GRM7: variants seen among roughly 807,000 people sequenced by gnomAD.
The protein encoded by GRM7 is glutamate metabotropic receptor 7.
In GRM7, 35 loss-of-function variants were observed where a neutral mutation model predicts 84.5. That is an observed-to-expected ratio of 0.41 (90% CI 0.32 to 0.55). The LOEUF (loss-of-function observed/expected upper bound fraction) is 0.55. Ranked by LOEUF, GRM7 falls within the 20% of genes least tolerant of loss-of-function variation. The probability of loss-of-function intolerance (pLI) is 0.19; values close to 1 mark genes in which losing one functional copy is unlikely to be tolerated. For synonymous variants in GRM7, 487 were observed against 455.1 expected, an observed-to-expected ratio of 1.07 and a Z score of -0.89; for missense variants, 1,003 against 1,194.6, an observed-to-expected ratio of 0.84 and a Z score of 2.36.
intron 8 of GRM7, among the ~76,000 whole-genome samples, chr3:7,599,707 G>T (rs1364561738): frequency 6.6e-6 from 1 of 152,126 alleles, no homozygotes; most frequent in African/African-American, 2.4e-5. Context: ...AGACAGATAA[G>T]ATTAACTGAC....
chr3:7,111,825 C>CTCATTTCTTTTTCTCCAAAGTGAACA (rs1692862191), intron 1 of GRM7, among the ~76,000 whole-genome samples: 1 of 152,100 alleles, frequency 6.6e-6, no homozygotes, highest in Non-Finnish European at 1.5e-5. Flanking sequence ...TGTACATAGC[C>CTCATTTCTTTTTCTCCAAAGTGAACA]TCATTTCTTT....
At chr3:7,525,594 G>A (rs952378228) in intron 7 of GRM7, among the ~76,000 whole-genome samples, 1 of 152,060 alleles carries the variant, frequency 6.6e-6, no homozygotes, top group African/African-American at 2.4e-5. Flanking sequence ...ACATGTGAAG[G>A]TTTGTTGCAA....
intron 1 of GRM7, among the ~76,000 whole-genome samples, chr3:7,005,080 G>C (rs527577774): frequency 1.3e-5 from 2 of 152,332 alleles, no homozygotes; most frequent in East Asian, 3.9e-4. Context: ...TCTGTATGTG[G>C]CTGCTGGCTC....
Position 7,647,576 on chromosome 3 carries a change from A to G in GRM7, c.2452-32473A>G, listed in dbSNP as rs1244015357. ...AAGCCAATGGGGAGTTGGAAGTATG[A>G]GGGCTACATAATTTTATTTAAAGAA... is the stretch of plus-strand genomic sequence containing the variant. On this transcript the variant is annotated intron_variant, in intron 8 of 9. Coordinates refer to ENST00000357716, the MANE Select transcript of GRM7 (RefSeq NM_000844.4). Among the ~76,000 whole-genome samples the G allele has an allele frequency of 2.0e-5, 3 of 152,212 alleles. No individual in the cohort carries two copies. The East Asian group carries it at 5.8e-4, about 29-fold the overall frequency.
chr3:7,697,020 T>C (rs1174491398), intron 9 of GRM7, among the ~76,000 whole-genome samples: 1 of 152,074 alleles, frequency 6.6e-6, no homozygotes, highest in African/African-American at 2.4e-5. Flanking sequence ...GCATCTCAGG[T>C]GCTCATTCCA....
chr3:7,370,909 A>G (rs1168002806), intron 4 of GRM7, among the ~76,000 whole-genome samples: 1 of 152,168 alleles, frequency 6.6e-6, no homozygotes, highest in Non-Finnish European at 1.5e-5. Flanking sequence ...AGTTTCTGAA[A>G]TTCAGGATTC....
At chr3:7,293,568 A>G (rs962663104) in intron 2 of GRM7, among the ~76,000 whole-genome samples, 1 of 152,200 alleles carries the variant, frequency 6.6e-6, no homozygotes, top group Non-Finnish European at 1.5e-5. Flanking sequence ...CGCTCCCCAC[A>G]GAAGTGTGAA....
At chr3:7,226,274 C>T (rs1696978625) in intron 2 of GRM7, among the ~76,000 whole-genome samples, 1 of 152,114 alleles carries the variant, frequency 6.6e-6, no homozygotes, top group South Asian at 2.1e-4. Context: ...ATGGTGTCAG[C>T]CTGGCTGGGA....
At chr3:7,552,901 A>T (rs1156469227) in intron 7 of GRM7, among the ~76,000 whole-genome samples, 3 of 152,182 alleles carry the variant, frequency 2.0e-5, no homozygotes, top group African/African-American at 4.8e-5. Flanking sequence ...ACTTATGCAA[A>T]TTTCTGCAGC....
At chr3:7,224,702 A>T (rs968624508) in intron 2 of GRM7, among the ~76,000 whole-genome samples, 3 of 152,184 alleles carry the variant, frequency 2.0e-5, no homozygotes, top group East Asian at 3.9e-4. Flanking sequence ...TAATCATGGC[A>T]TGTGCTTTCA....
At chr3:7,310,397 AT>A (rs1340990725) in intron 4 of GRM7, among the ~76,000 whole-genome samples, 4 of 152,204 alleles carry the variant, frequency 2.6e-5, no homozygotes, top group Admixed American at 6.6e-5. Context: ...TATGATTTGA[AT>A]GAATTCTTTA....
chr3:7,218,608 T>C (rs1359696599), intron 2 of GRM7, among the ~76,000 whole-genome samples: 2 of 152,028 alleles, frequency 1.3e-5, no homozygotes, highest in African/African-American at 4.8e-5. Context: ...CTACCCATTC[T>C]TTAGTGTAAA....
intron 1 of GRM7, among the ~76,000 whole-genome samples, chr3:7,011,085 T>C (rs1036316927): frequency 2.6e-5 from 4 of 152,136 alleles, no homozygotes; most frequent in Non-Finnish European, 5.9e-5. Flanking sequence ...CTACAACATA[T>C]GAAGGTTTTG....
chr3:7,291,663 G>A (rs762589916), intron 2 of GRM7, among the ~76,000 whole-genome samples: 2 of 152,152 alleles, frequency 1.3e-5, no homozygotes, highest in Non-Finnish European at 2.9e-5. Context: ...TACTTGAAAA[G>A]AGGCTGGGAG....
intron 1 of GRM7, among the ~76,000 whole-genome samples, chr3:6,991,234 A>C (rs1694623198): frequency 6.6e-6 from 1 of 152,128 alleles, no homozygotes; most frequent in Admixed American, 6.5e-5. Context: ...GCTGATAAAG[A>C]ATGAATGAAC....
At chr3:7,115,566 A>G (rs1425757475) in intron 1 of GRM7, among the ~76,000 whole-genome samples, 1 of 152,088 alleles carries the variant, frequency 6.6e-6, no homozygotes, top group Non-Finnish European at 1.5e-5. Flanking sequence ...GTGGATGATA[A>G]CTCCATCTCT....
chr3:7,581,433 T>C (rs1278133536), intron 8 of GRM7, among the ~76,000 whole-genome samples: 6 of 152,150 alleles, frequency 3.9e-5, no homozygotes, highest in East Asian at 1.9e-4. Flanking sequence ...AGGCACAAAA[T>C]TGCCAAATGG....
intron 1 of GRM7, among the ~76,000 whole-genome samples, chr3:7,078,946 AG>A: frequency 6.6e-6 from 1 of 152,144 alleles, no homozygotes; most frequent in Middle Eastern, 3.4e-3. Context: ...GAAAGGTATA[AG>A]AAATACAATA....
intron 1 of GRM7, among the ~76,000 whole-genome samples, chr3:7,096,634 G>C (rs142863978): frequency 1.3e-5 from 2 of 152,052 alleles, no homozygotes; most frequent in Non-Finnish European, 2.9e-5. Flanking sequence ...GAAATCATTG[G>C]CCACATGAGT....
Sources: allele counts gnomAD v4.1 joint callset (sites outside exome capture counted in the v4.1 genomes callset), GRCh38; gene constraint gnomAD v4.1.1; transcripts MANE v1.5; gene names NCBI Gene and HGNC (gene_info 2026-07-23, HGNC 2026-07-21).